MFSD2B: variants seen among roughly 807,000 people sequenced by gnomAD.
MFSD2B encodes the protein MFSD2 lysolipid transporter B, sphingolipid.
In MFSD2B, 56 loss-of-function variants were observed where a neutral mutation model predicts 58.4. That is an observed-to-expected ratio of 0.96 (90% CI 0.77 to 1.20). MFSD2B has a LOEUF of 1.20. Ranked by LOEUF, MFSD2B falls within the 50% of genes most tolerant of loss-of-function variation. The pLI is 0.00. For missense variants in MFSD2B, 645 were observed against 667.6 expected (o/e 0.97, Z 0.37); for synonymous variants, 287 against 294.4 (o/e 0.97, Z 0.26).
In MFSD2B at chr2:24,025,600, T is replaced by C; in HGVS notation, c.*144T>C. On this transcript the variant is annotated 3_prime_UTR_variant, in exon 14 of 14. Coordinates refer to ENST00000338315, the MANE Select transcript of MFSD2B (RefSeq NM_001346880.2). ...ATGTGGAGTCTTCGGCAACGTGTCCTGAAGGGACTGGCCCGCACTCCAGGA... is the reference window on the plus strand; with the variant it reads ...ATGTGGAGTCTTCGGCAACGTGTCCCGAAGGGACTGGCCCGCACTCCAGGA... 1 of 745,384 alleles carries C rather than the reference T, an allele frequency of 1.3e-6. No homozygotes were observed. The highest frequency in any genetic ancestry group is 2.3e-6 in the Non-Finnish European group (1 of 440,728). 46.2% of individuals were successfully genotyped at this position (745,384 alleles called of 1,614,324 possible).
rs866639938 is a variant in MFSD2B, at chr2:24,017,884, G to A, written c.681+296G>A. ...AGGAGGGGCGAGGGTGGGGAAAGCC[G>A]CAGGACAGGCTAGGGGAGGGGGCAG... On this transcript the variant is annotated intron_variant, in intron 6 of 13. Coordinates refer to ENST00000338315, the MANE Select transcript of MFSD2B (RefSeq NM_001346880.2). The surrounding 1 kb of genome is among the most constrained non-coding windows in gnomAD (Gnocchi z 4.8). Among the ~76,000 whole-genome samples, 12 of 152,114 alleles carry A rather than the reference G, an allele frequency of 7.9e-5. No homozygotes were observed. Among genetic ancestry groups the A allele is most frequent in the African/African-American group, 1.2e-4 (5 of 41,420 alleles).
At position 24,017,665 on chromosome 2, in the gene MFSD2B, C is replaced by T; in HGVS notation, c.681+77C>T. 1.4e-6 allele frequency: 2 copies of T among 1,421,038 alleles called. No homozygotes were observed. Among genetic ancestry groups the T allele is most frequent in the Non-Finnish European group, 1.9e-6 (2 of 1,059,142 alleles). The allele number at this position is 1,421,038 out of a possible 1,614,324, so 88.0% of individuals were successfully genotyped here. A position where few individuals can be genotyped will look rare whatever the true frequency, so the allele number is the denominator to read the frequency against. Reference sequence around the variant, plus strand: ...TCACCTCCTTCCTCTAGGGCTGGTTCTCCCGTCCACACCACTTTGTTGTCT... The same window carrying T: ...TCACCTCCTTCCTCTAGGGCTGGTTTTCCCGTCCACACCACTTTGTTGTCT... On this transcript the variant is annotated intron_variant, in intron 6 of 13. Transcript: ENST00000338315. This position sits in a 1 kb window ranked among gnomAD's most constrained non-coding sequence, Gnocchi z 4.8.
In MFSD2B at chr2:24,025,578, T is replaced by C; in HGVS notation, c.*122T>C. The C allele has an allele frequency of 2.2e-6, 2 of 923,854 alleles. No individual in the cohort carries two copies. The highest frequency in any genetic ancestry group is 2.9e-5 in the South Asian group (2 of 69,336). 57.2% of individuals were successfully genotyped at this position (923,854 alleles called of 1,614,324 possible). The stretch of plus-strand genomic sequence containing the variant: ...GTATGTGACCTTTCTCCCTGGGATG[T>C]GGAGTCTTCGGCAACGTGTCCTGAA... On this transcript the variant is annotated 3_prime_UTR_variant, in exon 14 of 14. Coordinates refer to ENST00000338315, the MANE Select transcript of MFSD2B (RefSeq NM_001346880.2).
rs1398629015 is a variant in MFSD2B at position 24,017,107 on chromosome 2, C to T, written c.471+139C>T. The T allele has an allele frequency of 7.2e-7, 1 of 1,391,808 alleles. No individual in the cohort carries two copies. Among genetic ancestry groups the T allele is most frequent in the African/African-American group, 1.4e-5 (1 of 70,594 alleles). 86.2% of individuals were successfully genotyped at this position (1,391,808 alleles called of 1,614,324 possible). On this transcript the variant is annotated intron_variant, in intron 4 of 13. Transcript: ENST00000338315. This position sits in a 1 kb window ranked among gnomAD's most constrained non-coding sequence, Gnocchi z 4.8. Reference sequence around the variant, plus strand: ...GGACCATGCCATTGGCACTCGCCAGCCTTGCGCGGGACTGGCTGCCCCCTC... The same window carrying T: ...GGACCATGCCATTGGCACTCGCCAGTCTTGCGCGGGACTGGCTGCCCCCTC...
chr2:24,019,116 G>A (rs1435973714), intron 6 of MFSD2B, among the ~76,000 whole-genome samples: 1 of 152,100 alleles, frequency 6.6e-6, no homozygotes, highest in African/African-American at 2.4e-5. Flanking sequence ...CTCCCAAAGT[G>A]CTGGGATTAC....
At position 24,017,193 on chromosome 2, in the gene MFSD2B, G is replaced by T; in HGVS notation, c.472-93G>T. 7.3e-7 allele frequency: 1 copy of T among 1,368,888 alleles called. No individual in the cohort carries two copies. Among genetic ancestry groups the T allele is most frequent in the Non-Finnish European group, 1.0e-6 (1 of 996,222 alleles). The allele number at this position is 1,368,888 out of a possible 1,614,324, so 84.8% of individuals were successfully genotyped here. On this transcript the variant is annotated intron_variant, in intron 4 of 13. Coordinates refer to ENST00000338315, the MANE Select transcript of MFSD2B (RefSeq NM_001346880.2). The surrounding 1 kb of genome is among the most constrained non-coding windows in gnomAD (Gnocchi z 4.8). ...CAGCTGGGATATGTCACGTTGGCCT[G>T]TGGGTGTCGGGATGTGACACCCAGG...
At position 24,017,650 on chromosome 2, in the gene MFSD2B, C is replaced by T. The variant is rs1709210319; in HGVS notation, c.681+62C>T. The T allele has an allele frequency of 4.7e-6, 7 of 1,480,760 alleles. No homozygotes were observed. Among genetic ancestry groups the T allele is most frequent in the South Asian group, 1.3e-5 (1 of 74,572 alleles). 91.7% of individuals were successfully genotyped at this position (1,480,760 alleles called of 1,614,324 possible). Reference sequence around the variant, plus strand: ...GTCCCCTCTGCAGGGTCACCTCCTTCCTCTAGGGCTGGTTCTCCCGTCCAC... The same window carrying T: ...GTCCCCTCTGCAGGGTCACCTCCTTTCTCTAGGGCTGGTTCTCCCGTCCAC... On this transcript the variant is annotated intron_variant, in intron 6 of 13. Transcript: ENST00000338315. This position sits in a 1 kb window ranked among gnomAD's most constrained non-coding sequence, Gnocchi z 4.8.
chr2:24,020,889 A>T lies in MFSD2B; in HGVS notation c.682-759A>T, dbSNP rs557548545. Reference sequence around the variant, plus strand: ...TCCCTGCTTCCTATATTAATTTTTTATTTTTATTTTTTATTTTTCCTTTTG... The same window carrying T: ...TCCCTGCTTCCTATATTAATTTTTTTTTTTTATTTTTTATTTTTCCTTTTG... On this transcript the variant is annotated intron_variant, in intron 6 of 13. Transcript: ENST00000338315. The surrounding 1 kb of genome is among the most constrained non-coding windows in gnomAD (Gnocchi z 4.1). Among the ~76,000 whole-genome samples, 2 of 148,232 alleles carry T rather than the reference A, an allele frequency of 1.3e-5. No individual in the cohort carries two copies. The highest frequency in any genetic ancestry group is 3.0e-5 in the Non-Finnish European group (2 of 67,046).
In MFSD2B at chr2:24,020,851, G is replaced by A. The variant is rs1662750138; in HGVS notation, c.682-797G>A. Among the ~76,000 whole-genome samples, 1 of 152,036 alleles carries A rather than the reference G, an allele frequency of 6.6e-6. No individual in the cohort carries two copies. The highest frequency in any genetic ancestry group is 2.4e-5 in the African/African-American group (1 of 41,400). On this transcript the variant is annotated intron_variant, in intron 6 of 13. Coordinates refer to ENST00000338315, the MANE Select transcript of MFSD2B (RefSeq NM_001346880.2). This position sits in a 1 kb window ranked among gnomAD's most constrained non-coding sequence, Gnocchi z 4.1. ...CAAAGAGCTGGAATGACAGGCATGA[G>A]CCACCGTGCCTGTCCCTGCTTCCTA...
rs1438511784 is a variant in MFSD2B at position 24,012,579 on chromosome 2, G to A, written c.97-706G>A. The stretch of plus-strand genomic sequence containing the variant: ...AGAGCACTGGCTGCTGGGTGGAGTG[G>A]ATTGTAGGGAGCAAGGGCAGACACA... On this transcript the variant is annotated intron_variant, in intron 1 of 13. Coordinates refer to ENST00000338315, the MANE Select transcript of MFSD2B (RefSeq NM_001346880.2). The surrounding 1 kb of genome is among the most constrained non-coding windows in gnomAD (Gnocchi z 4.5). 6.6e-6 allele frequency among the ~76,000 whole-genome samples: 1 copy of A among 152,186 alleles called. No individual in the cohort carries two copies. Among genetic ancestry groups the A allele is most frequent in the Non-Finnish European group, 1.5e-5 (1 of 68,038 alleles).
chr2:24,017,405 GC>G lies in MFSD2B; in HGVS notation c.550+45del. ...GGTTTCGGGTTCCAGGGAGGCAACT[GC>G]CCCTGGGACCCCACTCCCTCTCAGT... On this transcript the variant is annotated intron_variant, in intron 5 of 13. Transcript: ENST00000338315. This position sits in a 1 kb window ranked among gnomAD's most constrained non-coding sequence, Gnocchi z 4.8. 6.3e-7 allele frequency: 1 copy of G among 1,597,136 alleles called. No individual in the cohort carries two copies. Among genetic ancestry groups the G allele is most frequent in the Non-Finnish European group, 8.5e-7 (1 of 1,172,224 alleles).
Position 24,024,024 on chromosome 2 carries a change from TGTCGA to T in MFSD2B, c.1314-67_1314-63del. On this transcript the variant is annotated intron_variant, in intron 12 of 13. Coordinates refer to ENST00000338315, the MANE Select transcript of MFSD2B (RefSeq NM_001346880.2). The surrounding 1 kb of genome is among the most constrained non-coding windows in gnomAD (Gnocchi z 4.3). ...CAGGAGGGGGTGGGGTGGGGTGAGG[TGTCGA>T]GTCCCTCCACCCAGGGTGCCAGGCT... The T allele has an allele frequency of 1.4e-6, 2 of 1,466,208 alleles. No homozygotes were observed. The highest frequency in any genetic ancestry group is 1.9e-6 in the Non-Finnish European group (2 of 1,063,068). 90.8% of individuals were successfully genotyped at this position (1,466,208 alleles called of 1,614,324 possible).
Position 24,022,563 on chromosome 2 carries a change from G to A in MFSD2B, c.978+47G>A, listed in dbSNP as rs1662831391. 6.8e-7 allele frequency: 1 copy of A among 1,468,320 alleles called. No homozygotes were observed. The highest frequency in any genetic ancestry group is 2.4e-5 in the East Asian group (1 of 41,926). The allele number at this position is 1,468,320 out of a possible 1,614,324, so 91.0% of individuals were successfully genotyped here. On this transcript the variant is annotated intron_variant, in intron 9 of 13. Coordinates refer to ENST00000338315, the MANE Select transcript of MFSD2B (RefSeq NM_001346880.2). The surrounding 1 kb of genome is among the most constrained non-coding windows in gnomAD (Gnocchi z 4.5). Reference sequence around the variant, plus strand: ...GAGGCTAGGTCACTTGGGGCCCTGAGCTGGGGACATGTGTGGTCCTTGATG... The same window carrying A: ...GAGGCTAGGTCACTTGGGGCCCTGAACTGGGGACATGTGTGGTCCTTGATG...
In MFSD2B at chr2:24,017,748, G is replaced by GC. The variant is rs564528762; in HGVS notation, c.681+165dup. ...CCCTGCTCCTCCAGTTGAGCAGATG[G>GC]CCCCCAAATCTAACGTCCTCTGCTA... On this transcript the variant is annotated intron_variant, in intron 6 of 13. Transcript: ENST00000338315. This position sits in a 1 kb window ranked among gnomAD's most constrained non-coding sequence, Gnocchi z 4.8. Among the ~76,000 whole-genome samples the GC allele has an allele frequency of 2.0e-3, 307 of 152,238 alleles. 1 individual carries two copies. Among genetic ancestry groups the GC allele is most frequent in the African/African-American group, 6.9e-3 (285 of 41,536 alleles).
chr2:24,017,443 G>A lies in MFSD2B; in HGVS notation c.551-15G>A. The A allele has an allele frequency of 6.3e-7, 1 of 1,599,522 alleles. No individual in the cohort carries two copies. Among genetic ancestry groups the A allele is most frequent in the African/African-American group, 1.3e-5 (1 of 74,762 alleles). On this transcript the variant is annotated splice_polypyrimidine_tract_variant and intron_variant, in intron 5 of 13. Transcript: ENST00000338315. The surrounding 1 kb of genome is among the most constrained non-coding windows in gnomAD (Gnocchi z 4.8). ...CACTCCCTCTCAGTCACCTTAAGTG[G>A]CACTCTGTCTCCAGGGATGACTGTG...
rs1413059786 is a variant in MFSD2B at position 24,017,837 on chromosome 2, G to A, written c.681+249G>A. On this transcript the variant is annotated intron_variant, in intron 6 of 13. Transcript: ENST00000338315. The surrounding 1 kb of genome is among the most constrained non-coding windows in gnomAD (Gnocchi z 4.8). ...GAATAGACACTGGGCCAGCCACCTG[G>A]AGCAGAGGAGGCCAGCCCCAGAGGA... Among the ~76,000 whole-genome samples the A allele has an allele frequency of 1.3e-5, 2 of 152,190 alleles. No individual in the cohort carries two copies. Among genetic ancestry groups the A allele is most frequent in the Non-Finnish European group, 2.9e-5 (2 of 68,034 alleles).
Position 24,024,284 on chromosome 2 carries a change from C to A in MFSD2B, c.1490+13C>A, listed in dbSNP as rs139575327. 677 of 1,588,840 alleles carry A rather than the reference C, an allele frequency of 4.3e-4. 13 individuals carry two copies. In the East Asian group the frequency reaches 0.015, roughly 36 times the overall value. Reference sequence around the variant, plus strand: ...TGAGCCTTCGGAGGTAAGCCCCGCACGCCCCCTGCAGCCAGCGAGGCACAG... The same window carrying A: ...TGAGCCTTCGGAGGTAAGCCCCGCAAGCCCCCTGCAGCCAGCGAGGCACAG... On this transcript the variant is annotated intron_variant, in intron 13 of 13. Transcript: ENST00000338315. This position sits in a 1 kb window ranked among gnomAD's most constrained non-coding sequence, Gnocchi z 4.3.
chr2:24,023,068 G>A lies in MFSD2B; in HGVS notation c.1060-62G>A. 2 of 1,452,512 alleles carry A rather than the reference G, an allele frequency of 1.4e-6. No individual in the cohort carries two copies. The highest frequency in any genetic ancestry group is 1.9e-6 in the Non-Finnish European group (2 of 1,038,686). 90.0% of individuals were successfully genotyped at this position (1,452,512 alleles called of 1,614,324 possible). A position where few individuals can be genotyped will look rare whatever the true frequency, so the allele number is the denominator to read the frequency against. On this transcript the variant is annotated intron_variant, in intron 10 of 13. Transcript: ENST00000338315. This position sits in a 1 kb window ranked among gnomAD's most constrained non-coding sequence, Gnocchi z 5.0. Reference sequence around the variant, plus strand: ...ATGGGGGTCGTCAGTCGAGTCGTGTGTGAAGGAGCAGGCCCCACGAAGAAG... The same window carrying A: ...ATGGGGGTCGTCAGTCGAGTCGTGTATGAAGGAGCAGGCCCCACGAAGAAG...
Position 24,022,834 on chromosome 2 carries a change from C to A in MFSD2B, c.991C>A (p.Leu331Met). 1 of 1,602,888 alleles carries A rather than the reference C, an allele frequency of 6.2e-7. No homozygotes were observed. Among genetic ancestry groups the A allele is most frequent in the Non-Finnish European group, 8.5e-7 (1 of 1,175,148 alleles). The change falls in exon 10 of 14, where the codon CTG (leucine) becomes ATG (methionine). Residue 331 changes from leucine (L) to methionine (M), a missense_variant. By Grantham distance (15) the Leu-to-Met change is conservative. Transcript: ENST00000338315. The surrounding 1 kb of genome is among the most constrained non-coding windows in gnomAD (Gnocchi z 4.5). ...LVLTVLVSAV[L>M]STPLWEWVLQ... ...TGTCTGCTCACAGGTCTCAGCCGTG[C>A]TGAGCACCCCGCTGTGGGAGTGGGT...
Sources: allele counts gnomAD v4.1 joint callset (sites outside exome capture counted in the v4.1 genomes callset), GRCh38; gene constraint gnomAD v4.1.1; non-coding constraint Gnocchi (gnomAD v3.1); transcripts MANE v1.5; gene names NCBI Gene and HGNC (gene_info 2026-07-23, HGNC 2026-07-21).